ADCY8: variants seen among roughly 807,000 people sequenced by gnomAD.
The protein encoded by ADCY8 is adenylate cyclase 8, also known as adenylate cyclase type 8.
ADCY8 carries 51 observed loss-of-function variants against 119.7 expected under a neutral mutation model. The ratio of observed to expected loss-of-function variants is 0.43; its 90% CI spans 0.34 to 0.54. The LOEUF is 0.54. Ranked by LOEUF, ADCY8 falls within the 20% of genes least tolerant of loss-of-function variation. The pLI, the probability that ADCY8 is intolerant of heterozygous loss-of-function variation, is 0.03. For synonymous variants in ADCY8, 665 were observed against 651.0 expected (o/e 1.02, Z -0.33); for missense variants, 1,383 against 1,598.8 (o/e 0.87, Z 2.30).
intron 1 of ADCY8, among the ~76,000 whole-genome samples, chr8:131,001,187 C>CTGG (rs1297132987): frequency 6.6e-6 from 1 of 152,084 alleles, no homozygotes; most frequent in Non-Finnish European, 1.5e-5. Context: ...TGATTACCAC[C>CTGG]TGGGCTATTC....
intron 14 of ADCY8, 119 bp downstream of exon 14, chr8:130,813,950 C>T (rs1038992810): frequency 1.6e-5 from 20 of 1,277,548 alleles, no homozygotes; most frequent in Middle Eastern, 2.8e-4. Context: ...AGGAGTTTCT[C>T]CATTCTCATG....
intron 15 of ADCY8, among the ~76,000 whole-genome samples, chr8:130,798,822 C>G (rs898608557): frequency 2.0e-5 from 3 of 152,064 alleles, no homozygotes; most frequent in Non-Finnish European, 4.4e-5. Context: ...AGCATGTTCA[C>G]AACAGGCAAA....
intron 1 of ADCY8, among the ~76,000 whole-genome samples, chr8:131,038,160 T>C (rs549635436): frequency 6.6e-6 from 1 of 152,286 alleles, no homozygotes; most frequent in South Asian, 2.1e-4. Flanking sequence ...GGTGAAGCAC[T>C]CTAACAGTGC....
At chr8:130,905,675 A>G (rs1018712428) in intron 6 of ADCY8, among the ~76,000 whole-genome samples, 6 of 152,162 alleles carry the variant, frequency 3.9e-5, no homozygotes, top group African/African-American at 1.4e-4. Context: ...CCTGGGCAAC[A>G]TGACAAAACA....
chr8:130,808,034 A>G (rs996494752), intron 14 of ADCY8, among the ~76,000 whole-genome samples: 6 of 148,640 alleles, frequency 4.0e-5, no homozygotes, highest in African/African-American at 9.9e-5. Context: ...GGCCAGTATC[A>G]AGTATTTGGT....
intron 12 of ADCY8, among the ~76,000 whole-genome samples, chr8:130,833,250 C>T (rs1039339745): frequency 2.6e-5 from 4 of 152,134 alleles, no homozygotes; most frequent in Admixed American, 6.6e-5. Context: ...AGTTTGAATA[C>T]GGATCTGTTA....
chr8:130,926,546 C>T (rs1820472321), intron 5 of ADCY8, among the ~76,000 whole-genome samples: 1 of 152,150 alleles, frequency 6.6e-6, no homozygotes, highest in African/African-American at 2.4e-5. Context: ...ATTGTGGAAT[C>T]TAGCTAATTA....
chr8:130,963,260 T>C (rs977811898), intron 2 of ADCY8, among the ~76,000 whole-genome samples: 2 of 152,130 alleles, frequency 1.3e-5, no homozygotes, highest in Admixed American at 1.3e-4. Flanking sequence ...TGCAGAACCA[T>C]TGTTCTAAAA....
At chr8:131,027,142 C>T (rs1369683951) in intron 1 of ADCY8, among the ~76,000 whole-genome samples, 3 of 152,194 alleles carry the variant, frequency 2.0e-5, no homozygotes, top group African/African-American at 7.2e-5. Context: ...TCAAATTCTG[C>T]TTATCTCTCT....
chr8:130,943,369 T>A lies in ADCY8; in HGVS notation c.1335A>T (p.Arg445Ser). Residue 445 changes from arginine (R) to serine (S), a missense_variant, in exon 4 of 18, where the codon AGA becomes AGT. Arg to Ser is a moderately radical substitution (Grantham distance 110). Coordinates refer to ENST00000286355, the MANE Select transcript of ADCY8 (RefSeq NM_001115.3). ...AACTCACATGGGCCAGTCGATCAAA[T>A]CTGGCAAAGAGCTCGTTGAGCATCC... The part of the protein sequence containing the change: ...LVRMLNELFA[R>S]FDRLAHEHHC... 1.2e-6 allele frequency: 2 copies of A among 1,612,972 alleles called. No individual in the cohort carries two copies. Among genetic ancestry groups the A allele is most frequent in the Non-Finnish European group, 1.7e-6 (2 of 1,179,692 alleles).
intron 4 of ADCY8, among the ~76,000 whole-genome samples, chr8:130,941,695 C>A (rs1217670877): frequency 6.6e-6 from 1 of 152,162 alleles, no homozygotes; most frequent in African/African-American, 2.4e-5. Context: ...TGTTCAGTAG[C>A]TGAAATTTAT....
intron 2 of ADCY8, among the ~76,000 whole-genome samples, chr8:130,973,719 A>G (rs1339083256): frequency 6.6e-6 from 1 of 152,240 alleles, no homozygotes; most frequent in South Asian, 2.1e-4. Flanking sequence ...ATTAGGCTAC[A>G]TGACTAGGAA....
rs368671010 is a variant in ADCY8, at chr8:130,981,918, A to G, written c.1110+8475T>C. Reference sequence around the variant, plus strand: ...TCAGATGCTTTCTATATACTGCTTGATTTTCTTACAACCAGCTTGAGATCT... The same window carrying G: ...TCAGATGCTTTCTATATACTGCTTGGTTTTCTTACAACCAGCTTGAGATCT... On this transcript the variant is annotated intron_variant, in intron 2 of 17. Coordinates refer to ENST00000286355, the MANE Select transcript of ADCY8 (RefSeq NM_001115.3). Among the ~76,000 whole-genome samples, 12 of 152,134 alleles carry G rather than the reference A, an allele frequency of 7.9e-5. 1 individual carries two copies. In the East Asian group the frequency reaches 1.7e-3, roughly 22 times the overall value.
chr8:130,903,115 G>A (rs909957559), intron 7 of ADCY8, among the ~76,000 whole-genome samples: 1 of 151,996 alleles, frequency 6.6e-6, no homozygotes, highest in African/African-American at 2.4e-5. Context: ...GGTTTACTGT[G>A]ATTTCAATAT....
At chr8:130,895,861 T>C (rs1819368670) in intron 7 of ADCY8, among the ~76,000 whole-genome samples, 1 of 152,188 alleles carries the variant, frequency 6.6e-6, no homozygotes, top group African/African-American at 2.4e-5. Context: ...CAATTAGATG[T>C]CCTGTAACTT....
At chr8:130,860,078 T>C (rs1817877334) in intron 9 of ADCY8, among the ~76,000 whole-genome samples, 1 of 152,176 alleles carries the variant, frequency 6.6e-6, no homozygotes, top group Non-Finnish European at 1.5e-5. Flanking sequence ...GACAGTTATT[T>C]ATTTATTTAT....
At chr8:130,963,933 G>A (rs1267341207) in intron 2 of ADCY8, among the ~76,000 whole-genome samples, 1 of 152,224 alleles carries the variant, frequency 6.6e-6, no homozygotes, top group African/African-American at 2.4e-5. Context: ...AATAAGACGT[G>A]CTTATCACTA....
At chr8:131,023,855 G>A (rs549060733) in intron 1 of ADCY8, among the ~76,000 whole-genome samples, 22 of 152,190 alleles carry the variant, frequency 1.4e-4, no homozygotes, top group South Asian at 8.3e-4. Flanking sequence ...TTTTTTGTAG[G>A]ATGTTGAAGA....
chr8:130,843,001 G>T (rs909530387), intron 11 of ADCY8, among the ~76,000 whole-genome samples: 1 of 151,454 alleles, frequency 6.6e-6, no homozygotes, highest in Non-Finnish European at 1.5e-5. Flanking sequence ...ATCTTTGATT[G>T]GGTGCCAGAC....
Sources: gnomAD v4.1 joint callset for allele counts (sites outside exome capture counted in the v4.1 genomes callset) on GRCh38, gnomAD v4.1.1 for gene constraint, MANE v1.5 for transcripts, NCBI Gene and HGNC (gene_info 2026-07-23, HGNC 2026-07-21) for gene names.